MUC17: variants seen among roughly 807,000 people sequenced by gnomAD.
The protein encoded by MUC17 is mucin 17, cell surface associated.
In MUC17, 190 loss-of-function variants were observed where a neutral mutation model predicts 170.3. The ratio of observed to expected loss-of-function variants is 1.12; its 90% CI spans 0.99 to 1.26. MUC17 has a LOEUF of 1.26. MUC17 is among the 50% of genes most tolerant of loss of function. The pLI, the probability that MUC17 is intolerant of heterozygous loss-of-function variation, is 0.00. For missense variants in MUC17, 6,415 were observed against 5,530.0 expected (o/e 1.16, Z -5.08); for synonymous variants, 2,325 against 2,002.5 (o/e 1.16, Z -4.30).
In MUC17 at chr7:101,050,621, A is replaced by G; in HGVS notation, c.12860A>G (p.Asn4287Ser). The G allele has an allele frequency of 6.2e-7, 1 of 1,613,940 alleles. No homozygotes were observed. The highest frequency in any genetic ancestry group is 8.5e-7 in the Non-Finnish European group (1 of 1,179,860). ...GTGACCACACAGCAAATAATGATTAATGATATTTGCTCAGGTGAACTCTGG... is the reference window on the plus strand; with the variant it reads ...GTGACCACACAGCAAATAATGATTAGTGATATTTGCTCAGGTGAACTCTGG... ...TKVTTQQIMI[N>S]DICSDMMCFN... Residue 4287 changes from asparagine (N) to serine (S), a missense_variant, in exon 7 of 13, where the codon AAT becomes AGT. Physicochemically the swap from Asn to Ser is conservative, Grantham distance 46. Transcript: ENST00000306151.
intron 1 of MUC17, among the ~76,000 whole-genome samples, chr7:101,025,000 A>G (rs914138806): frequency 7.2e-5 from 11 of 151,794 alleles, no homozygotes; most frequent in Admixed American, 1.3e-4. Context: ...CAGCCTGGGT[A>G]ACAGACGGAG....
Position 101,041,708 on chromosome 7 carries a change from C to T in MUC17, c.10292C>T (p.Thr3431Ile). The part of the protein sequence containing the change: ...TTPVDSNTLV[T>I]TSTEASSSPT... ...CCTGTGGACTCCAACACTCTGGTGA[C>T]CACTTCTACTGAAGCCAGTTCATCT... is the stretch of plus-strand genomic sequence containing the variant. The change falls in exon 3 of 13, where the codon ACC (threonine) becomes ATC (isoleucine). Residue 3431 changes from threonine to isoleucine, a missense_variant. Thr to Ile is a moderately conservative substitution (Grantham distance 89). Transcript: ENST00000306151. 1 of 1,613,752 alleles carries T rather than the reference C, an allele frequency of 6.2e-7. No homozygotes were observed. Among genetic ancestry groups the T allele is most frequent in the South Asian group, 1.1e-5 (1 of 91,076 alleles).
intron 1 of MUC17, among the ~76,000 whole-genome samples, chr7:101,029,386 C>A (rs1794237618): frequency 6.6e-6 from 1 of 151,882 alleles, no homozygotes; most frequent in South Asian, 2.1e-4. Flanking sequence ...TGTATACATA[C>A]ATACACACAC....
chr7:101,034,242 A>C lies in MUC17; in HGVS notation c.2826A>C (p.Arg942Ser), dbSNP rs10238201. 162,806 of 1,535,972 alleles carry C rather than the reference A, an allele frequency of 0.11. 1 individual carries two copies. The highest frequency in any genetic ancestry group is 0.23 in the African/African-American group (14,262 of 60,928). Reference sequence around the variant, plus strand: ...CGCCGGTAGTCAGTTCTGAGGCTAGAACACTTTCAGCAACTCCTGTTGACA... The same window carrying C: ...CGCCGGTAGTCAGTTCTGAGGCTAGCACACTTTCAGCAACTCCTGTTGACA... Reference protein sequence around the residue: ...STTPVVSSEARTLSATPVDTS... With the variant: ...STTPVVSSEASTLSATPVDTS... Residue 942 changes from arginine (R) to serine (S), a missense_variant, in exon 3 of 13, where the codon AGA (arginine) becomes AGC (serine). By Grantham distance (110) the Arg-to-Ser change is moderately radical. Transcript: ENST00000306151.
In MUC17 at chr7:101,041,134, A is replaced by G. The variant is rs2116451889; in HGVS notation, c.9718A>G (p.Ser3240Gly). The G allele has an allele frequency of 1.2e-6, 2 of 1,613,660 alleles. No homozygotes were observed. Among genetic ancestry groups the G allele is most frequent in the Non-Finnish European group, 1.7e-6 (2 of 1,179,900 alleles). The change falls in exon 3 of 13, where the codon AGC becomes GGC. Residue 3240 changes from serine to glycine, a missense_variant. Ser to Gly is a moderately conservative substitution (Grantham distance 56). Coordinates refer to ENST00000306151, the MANE Select transcript of MUC17 (RefSeq NM_001040105.2). ...CACGCCGGTGGCCAGTTCTGAGGCT[A>G]GCATCCTTTCAACAACTCCTGTTGA... ...SNTPVASSEA[S>G]ILSTTPVDSN...
chr7:101,055,877 G>T (rs563063282), intron 11 of MUC17, among the ~76,000 whole-genome samples: 1 of 152,030 alleles, frequency 6.6e-6, no homozygotes, highest in African/African-American at 2.4e-5. Flanking sequence ...CAAAAATCCC[G>T]TATCTTTGGA....
rs1160860988 is a variant in MUC17, at chr7:101,038,309, C to A, written c.6893C>A (p.Thr2298Asn). ...CTGGTGGCCAATTCTGAGGTTAGCA[C>A]CCTTTCAACAACTCCTGTTGACTCC... ...HTLVANSEVS[T>N]LSTTPVDSNT... The change falls in exon 3 of 13, where the codon ACC becomes AAC. Residue 2298 changes from threonine (T) to asparagine (N), a missense_variant. By Grantham distance (65) the Thr-to-Asn change is moderately conservative. Coordinates refer to ENST00000306151, the MANE Select transcript of MUC17 (RefSeq NM_001040105.2). 5.6e-6 allele frequency: 9 copies of A among 1,613,630 alleles called. No individual in the cohort carries two copies. The highest frequency in any genetic ancestry group is 2.2e-5 in the South Asian group (2 of 91,016).
chr7:101,025,243 G>A (rs1161490581), intron 1 of MUC17, among the ~76,000 whole-genome samples: 4 of 151,492 alleles, frequency 2.6e-5, no homozygotes. Context: ...TGCGCCTGTG[G>A]TCCCAGCTAC....
intron 1 of MUC17, among the ~76,000 whole-genome samples, chr7:101,022,287 C>T (rs1794106059): frequency 6.6e-6 from 1 of 152,098 alleles, no homozygotes; most frequent in Admixed American, 6.5e-5. Context: ...CTGCCTCAGC[C>T]TCCCGAGTAG....
chr7:101,057,142 A>G (rs1795059729), intron 12 of MUC17, among the ~76,000 whole-genome samples: 2 of 152,178 alleles, frequency 1.3e-5, no homozygotes, highest in African/African-American at 4.8e-5. Context: ...TATATCATAG[A>G]TAATGCTATC....
Position 101,039,150 on chromosome 7 carries a change from T to G in MUC17, c.7734T>G (p.Ser2578Arg), listed in dbSNP as rs1347528687. The G allele has an allele frequency of 3.1e-6, 5 of 1,613,776 alleles. No homozygotes were observed. Among genetic ancestry groups the G allele is most frequent in the African/African-American group, 1.3e-5 (1 of 74,840 alleles). The stretch of plus-strand genomic sequence containing the variant: ...GTGAAGGAAGCACTCCATTAAGAAG[T>G]ATGCCTGTCAGCACCAAGCCGTTGG... ...TYSEGSTPLR[S>R]MPVSTKPLAS... is the part of the protein sequence containing the mutation. Residue 2578 changes from serine (S) to arginine (R), a missense_variant, in exon 3 of 13, where the codon AGT (serine) becomes AGG (arginine). Transcript: ENST00000306151.
At position 101,048,837 on chromosome 7, in the gene MUC17, C is replaced by T. The variant is rs189041469; in HGVS notation, c.12536-8C>T. ...AGATGCTTTGCTCAGTAAGTCTACC[C>T]GCCTCAGGGCCACCGGAGACTATCT... On this transcript the variant is annotated splice_polypyrimidine_tract_variant and splice_region_variant and intron_variant, in intron 4 of 12. Coordinates refer to ENST00000306151, the MANE Select transcript of MUC17 (RefSeq NM_001040105.2). The T allele has an allele frequency of 9.1e-5, 147 of 1,613,910 alleles. No individual in the cohort carries two copies. Among genetic ancestry groups the T allele is most frequent in the East Asian group, 1.8e-4 (8 of 44,876 alleles).
intron 9 of MUC17, among the ~76,000 whole-genome samples, chr7:101,052,168 C>A (rs538757945): frequency 3.3e-5 from 5 of 152,310 alleles, no homozygotes; most frequent in African/African-American, 1.2e-4. Flanking sequence ...TCCAGAACAG[C>A]CTAACCATGT....
At chr7:101,028,480 T>C (rs565854087) in intron 1 of MUC17, among the ~76,000 whole-genome samples, 60 of 152,338 alleles carry the variant, frequency 3.9e-4, no homozygotes, top group African/African-American at 1.4e-3. Flanking sequence ...TAATCTGTCC[T>C]TAATCCCATC....
rs545102223 is a variant in MUC17, at chr7:101,033,136, A to T, written c.1720A>T (p.Asn574Tyr). Reference protein sequence around the residue: ...TPSEGSTPLTNMPVSTRLVVS... With the variant: ...TPSEGSTPLTYMPVSTRLVVS... ...TAGTGAAGGAAGCACTCCATTAACA[A>T]ACATGCCTGTCAGCACCAGGCTGGT... is the stretch of plus-strand genomic sequence containing the variant. The change falls in exon 3 of 13, where the codon AAC becomes TAC. Residue 574 changes from asparagine (N) to tyrosine (Y), a missense_variant. Asn to Tyr is a moderately radical substitution (Grantham distance 143, BLOSUM62 -2). Transcript: ENST00000306151. 1.7e-5 allele frequency: 28 copies of T among 1,612,008 alleles called. No homozygotes were observed. In the East Asian group the frequency reaches 6.0e-4, roughly 35 times the overall value.
At chr7:101,027,467 G>C (rs573887312) in intron 1 of MUC17, among the ~76,000 whole-genome samples, 27 of 152,258 alleles carry the variant, frequency 1.8e-4, no homozygotes, top group Non-Finnish European at 2.8e-4. Context: ...TTTCTAGTTT[G>C]TGTCTTCCAG....
chr7:101,048,141 C>A, intron 4 of MUC17, 26 bp downstream of exon 4: 1 of 1,537,166 alleles, frequency 6.5e-7, no homozygotes, highest in Non-Finnish European at 8.8e-7. Context: ...GGCCTTCCCC[C>A]ACCCCATGCC....
chr7:101,027,235 T>A (rs1794196699), intron 1 of MUC17, among the ~76,000 whole-genome samples: 1 of 152,058 alleles, frequency 6.6e-6, no homozygotes, highest in Admixed American at 6.6e-5. Context: ...CCAGTGTGGA[T>A]GAAAGGTAGT....
chr7:101,052,075 AGCGTC>A, intron 9 of MUC17, 113 bp downstream of exon 9: 1 of 1,270,928 alleles, frequency 7.9e-7, no homozygotes, highest in Non-Finnish European at 1.1e-6. Flanking sequence ...ACTAGGTCCC[AGCGTC>A]TCCTGAATGT....
Sources: allele counts gnomAD v4.1 joint callset (sites outside exome capture counted in the v4.1 genomes callset), GRCh38; gene constraint gnomAD v4.1.1; transcripts MANE v1.5; gene names NCBI Gene and HGNC (gene_info 2026-07-23, HGNC 2026-07-21).